TLL1: variants seen among roughly 807,000 people sequenced by gnomAD.
TLL1 encodes tolloid-like protein 1.
A neutral mutation model predicts 128.2 loss-of-function variants in TLL1; 49 were observed. The observed-to-expected ratio is 0.38, with a 90% CI of 0.30 to 0.48. The LOEUF (loss-of-function observed/expected upper bound fraction) is 0.48, where lower values mean the gene tolerates loss of function less well. Among genes scored for constraint, TLL1 ranks in the 20% least tolerant of loss-of-function variants. The pLI is 0.96. For synonymous variants in TLL1, 454 were observed against 418.8 expected (o/e 1.08, Z -1.03); for missense variants, 1,123 against 1,242.0 (o/e 0.90, Z 1.44).
At chr4:165,879,280 A>T (rs1275397512) in intron 1 of TLL1, among the ~76,000 whole-genome samples, 2 of 152,030 alleles carry the variant, frequency 1.3e-5, no homozygotes, top group Admixed American at 1.3e-4. Context: ...TAAGCCATGT[A>T]TGGTTCCTCC....
At chr4:165,987,840 A>G (rs1187809501) in intron 1 of TLL1, among the ~76,000 whole-genome samples, 1 of 152,060 alleles carries the variant, frequency 6.6e-6, no homozygotes, top group Non-Finnish European at 1.5e-5. Context: ...CTAATTCTCT[A>G]TAGTGGAAAA....
chr4:165,984,644 C>T (rs1280421057), intron 1 of TLL1, among the ~76,000 whole-genome samples: 1 of 151,942 alleles, frequency 6.6e-6, no homozygotes, highest in South Asian at 2.1e-4. Context: ...AACAAATGCT[C>T]TTGGCTATTG....
chr4:165,928,341 A>T (rs1211497484), intron 1 of TLL1, among the ~76,000 whole-genome samples: 1 of 152,174 alleles, frequency 6.6e-6, no homozygotes, highest in African/African-American at 2.4e-5. Flanking sequence ...AAACAGAAAT[A>T]ACCATACACT....
At chr4:165,890,946 C>A (rs1731374439) in intron 1 of TLL1, among the ~76,000 whole-genome samples, 1 of 152,208 alleles carries the variant, frequency 6.6e-6, no homozygotes, top group African/African-American at 2.4e-5. Context: ...GACATCCAGG[C>A]ACTTCCATAC....
At chr4:166,057,068 G>A in intron 13 of TLL1, 116 bp from the exon 14 acceptor site, 4 of 1,234,708 alleles carry the variant, frequency 3.2e-6, no homozygotes, top group Non-Finnish European at 4.7e-6. Flanking sequence ...TGACACGTGA[G>A]AATTTTGGGA....
At chr4:165,893,293 G>A (rs1336038381) in intron 1 of TLL1, among the ~76,000 whole-genome samples, 5 of 143,036 alleles carry the variant, frequency 3.5e-5, no homozygotes, top group Admixed American at 2.0e-4. Context: ...AATATATGGA[G>A]CAATAGTTCT....
intron 14 of TLL1, among the ~76,000 whole-genome samples, chr4:166,058,738 T>A (rs1732184877): frequency 2.0e-5 from 3 of 152,168 alleles, no homozygotes; most frequent in African/African-American, 2.4e-5. Flanking sequence ...TAACATTATT[T>A]ATATTTATGT....
chr4:165,878,072 C>A (rs751893958), intron 1 of TLL1, among the ~76,000 whole-genome samples: 1 of 152,108 alleles, frequency 6.6e-6, no homozygotes, highest in Admixed American at 6.5e-5. Flanking sequence ...ATAGTCAGTG[C>A]CCCAGTGTCC....
chr4:166,089,263 A>G (rs1241964283), intron 18 of TLL1, among the ~76,000 whole-genome samples: 4 of 152,134 alleles, frequency 2.6e-5, no homozygotes, highest in Admixed American at 2.6e-4. Context: ...CAATTTTCTC[A>G]TAGTGGTTTC....
At chr4:166,045,285 A>G (rs1739413854) in intron 12 of TLL1, among the ~76,000 whole-genome samples, 1 of 151,930 alleles carries the variant, frequency 6.6e-6, no homozygotes, top group South Asian at 2.1e-4. Flanking sequence ...CCAAAACCGA[A>G]CCCTTGCTTA....
intron 1 of TLL1, among the ~76,000 whole-genome samples, chr4:165,955,059 C>T (rs553699670): frequency 2.0e-4 from 31 of 152,030 alleles, no homozygotes; most frequent in Non-Finnish European, 2.9e-4. Context: ...TGAAAGACAG[C>T]GTAGCCATCT....
At chr4:166,066,407 C>T (rs1230307273) in intron 16 of TLL1, among the ~76,000 whole-genome samples, 1 of 151,636 alleles carries the variant, frequency 6.6e-6, no homozygotes, top group Non-Finnish European at 1.5e-5. Flanking sequence ...TTTTATAAAA[C>T]TCCCCAGATT....
At chr4:166,065,930 G>A in intron 16 of TLL1, 67 bp downstream of exon 16, 1 of 1,143,300 alleles carries the variant, frequency 8.7e-7, no homozygotes, top group Admixed American at 2.5e-5. Flanking sequence ...TAAATTGTAT[G>A]TGATCTATTT....
At chr4:166,085,261 G>T (rs1384517414) in intron 18 of TLL1, among the ~76,000 whole-genome samples, 2 of 147,896 alleles carry the variant, frequency 1.4e-5, no homozygotes, top group Non-Finnish European at 1.5e-5. Flanking sequence ...TTTCAATTTG[G>T]ATGCCTTTTC....
rs55737064 is a variant in TLL1 at position 165,962,926 on chromosome 4, G to T, written c.170-26455G>T. Among the ~76,000 whole-genome samples, 771 of 151,660 alleles carry T rather than the reference G, an allele frequency of 5.1e-3. 10 individuals are homozygous for T. The highest frequency in any genetic ancestry group is 0.017 in the African/African-American group (716 of 41,368). On this transcript the variant is annotated intron_variant, in intron 1 of 20. Transcript: ENST00000061240. ...AAAAATTAGCTAGGCATGGTGGCAC[G>T]TGCCTGTAATCCCAGCTACTAGGGA...
At chr4:166,048,804 C>T (rs1739581275) in intron 12 of TLL1, among the ~76,000 whole-genome samples, 1 of 152,178 alleles carries the variant, frequency 6.6e-6, no homozygotes, top group South Asian at 2.1e-4. Flanking sequence ...GTTTGAGGTA[C>T]TTGTCAACAT....
At chr4:165,876,099 A>ATG (rs1008264237) in intron 1 of TLL1, among the ~76,000 whole-genome samples, 1 of 152,180 alleles carries the variant, frequency 6.6e-6, no homozygotes, top group Non-Finnish European at 1.5e-5. Context: ...ACACGCATGC[A>ATG]TGTGTGTGTG....
intron 12 of TLL1, among the ~76,000 whole-genome samples, chr4:166,054,644 C>A (rs1269820808): frequency 6.8e-6 from 1 of 148,040 alleles, no homozygotes; most frequent in Non-Finnish European, 1.5e-5. Context: ...CAATTCCCAC[C>A]TATGAGTGAG....
chr4:165,891,359 T>A (rs1247255778), intron 1 of TLL1, among the ~76,000 whole-genome samples: 1 of 152,176 alleles, frequency 6.6e-6, no homozygotes, highest in Non-Finnish European at 1.5e-5. Context: ...TATATCATCA[T>A]CAGGCTATAA....
Sources: gnomAD v4.1 joint callset for allele counts (sites outside exome capture counted in the v4.1 genomes callset) on GRCh38, gnomAD v4.1.1 for gene constraint, MANE v1.5 for transcripts, NCBI Gene and HGNC (gene_info 2026-07-23, HGNC 2026-07-21) for gene names.